Variants in ASTN2 observed in about 807,000 individuals in gnomAD.
The protein encoded by ASTN2 is astrotactin-2.
A neutral mutation model predicts 139.8 loss-of-function variants in ASTN2; 54 were observed. The ratio of observed to expected loss-of-function variants is 0.39; its 90% CI spans 0.31 to 0.48. The LOEUF (loss-of-function observed/expected upper bound fraction) is 0.48. ASTN2 is among the 20% of genes least tolerant of loss of function. The pLI is 0.95. For synonymous variants in ASTN2, 756 were observed against 719.5 expected (o/e 1.05, Z -0.81); for missense variants, 1,565 against 1,725.1 (o/e 0.91, Z 1.64).
chr9:116,744,186 G>A (rs1177694567), intron 13 of ASTN2, among the ~76,000 whole-genome samples: 3 of 152,180 alleles, frequency 2.0e-5, no homozygotes, highest in African/African-American at 7.2e-5. Flanking sequence ...GCATGTGTGT[G>A]TATGGAAGAG....
At chr9:117,143,125 C>A (rs552174021) in intron 3 of ASTN2, among the ~76,000 whole-genome samples, 2 of 152,288 alleles carry the variant, frequency 1.3e-5, no homozygotes, top group South Asian at 2.1e-4. Flanking sequence ...TGAGAAGTCC[C>A]ATCTTGAGGG....
chr9:116,952,595 G>A (rs72755633), intron 10 of ASTN2, among the ~76,000 whole-genome samples: 2 of 152,304 alleles, frequency 1.3e-5, no homozygotes, highest in African/African-American at 2.4e-5. Flanking sequence ...AATGACATGG[G>A]CAGCGTGACA....
intron 3 of ASTN2, 120 bp from the exon 4 acceptor site, chr9:117,141,598 C>A: frequency 1.1e-6 from 1 of 897,688 alleles, no homozygotes; most frequent in Non-Finnish European, 1.5e-6. Flanking sequence ...ACCTGGCCAC[C>A]CTAATTCCTT....
At chr9:116,508,725 C>T (rs1035879734) in intron 19 of ASTN2, among the ~76,000 whole-genome samples, 1 of 152,264 alleles carries the variant, frequency 6.6e-6, no homozygotes, top group South Asian at 2.1e-4. Flanking sequence ...TGCAGAATTA[C>T]TATAAAGATC....
chr9:117,152,034 G>T (rs1317198689), intron 3 of ASTN2, among the ~76,000 whole-genome samples: 1 of 152,036 alleles, frequency 6.6e-6, no homozygotes, highest in Non-Finnish European at 1.5e-5. Flanking sequence ...GTGACTTTGG[G>T]TAAGTTCCTT....
At chr9:116,713,293 A>G (rs1009009278) in intron 16 of ASTN2, among the ~76,000 whole-genome samples, 6 of 152,180 alleles carry the variant, frequency 3.9e-5, no homozygotes, top group Non-Finnish European at 8.8e-5. Flanking sequence ...TCTGTGGAGT[A>G]GGAGGGAACA....
intron 7 of ASTN2, among the ~76,000 whole-genome samples, chr9:116,978,785 T>C (rs1447355213): frequency 7.2e-6 from 1 of 138,684 alleles, no homozygotes; most frequent in Non-Finnish European, 1.6e-5. Flanking sequence ...TTATGCAGGC[T>C]TCAGGGAAAA....
At chr9:116,806,471 G>A (rs1160769903) in intron 12 of ASTN2, among the ~76,000 whole-genome samples, 1 of 152,200 alleles carries the variant, frequency 6.6e-6, no homozygotes, top group African/African-American at 2.4e-5. Flanking sequence ...GGGCTGGAGG[G>A]GATGGGGATG....
intron 20 of ASTN2, among the ~76,000 whole-genome samples, chr9:116,474,415 G>T (rs1354816169): frequency 1.3e-5 from 2 of 151,592 alleles, no homozygotes; most frequent in East Asian, 2.0e-4. Flanking sequence ...GGTTGTTGGT[G>T]GATGGGGGTC....
At position 116,698,403 on chromosome 9, in the gene ASTN2, G is replaced by T; in HGVS notation, c.2806+27368C>A. 6.2e-7 allele frequency: 1 copy of T among 1,614,136 alleles called. No individual in the cohort carries two copies. On this transcript the variant is annotated intron_variant, in intron 16 of 22. Coordinates refer to ENST00000313400, the MANE Select transcript of ASTN2 (RefSeq NM_001365068.1). The surrounding 1 kb of genome is among the most constrained non-coding windows in gnomAD (Gnocchi z 4.4). The stretch of plus-strand genomic sequence containing the variant: ...AGTTGAGAAGTCCAATAGTCAAGTG[G>T]TAGAGGAGCAGAGTTACCTGCTTAA...
intron 1 of ASTN2, among the ~76,000 whole-genome samples, chr9:117,370,223 A>C (rs1829953219): frequency 6.6e-6 from 1 of 152,170 alleles, no homozygotes; most frequent in Non-Finnish European, 1.5e-5. Context: ...GCTTTCCATT[A>C]ACAACACTCA....
At chr9:116,979,164 C>T (rs1295962229) in intron 7 of ASTN2, among the ~76,000 whole-genome samples, 3 of 152,210 alleles carry the variant, frequency 2.0e-5, no homozygotes, top group Non-Finnish European at 2.9e-5. Flanking sequence ...GACAAATAGC[C>T]TGGGCTTCAT....
intron 1 of ASTN2, among the ~76,000 whole-genome samples, chr9:117,363,186 G>A (rs1036238926): frequency 6.6e-6 from 1 of 152,096 alleles, no homozygotes. Flanking sequence ...TTCCTGCCAG[G>A]ACCCTGACTG....
intron 19 of ASTN2, among the ~76,000 whole-genome samples, chr9:116,538,053 A>C (rs550087149): frequency 6.6e-6 from 1 of 152,298 alleles, no homozygotes; most frequent in East Asian, 1.9e-4. Context: ...TATGAATCCA[A>C]ATTAAGTGTT....
chr9:116,467,863 T>C (rs1215072709), intron 20 of ASTN2, among the ~76,000 whole-genome samples: 1 of 152,182 alleles, frequency 6.6e-6, no homozygotes, highest in Non-Finnish European at 1.5e-5. Context: ...AGGACTGTAG[T>C]GAACTCTTTT....
Position 117,001,224 on chromosome 9 carries a change from A to G in ASTN2, c.1591+6868T>C, listed in dbSNP as rs182628178. Among the ~76,000 whole-genome samples the G allele has an allele frequency of 1.7e-3, 255 of 152,254 alleles. 2 individuals are homozygous for G. The highest frequency in any genetic ancestry group is 5.8e-3 in the African/African-American group (243 of 41,552). ...TGATAACCAGTGCTTTGACTCCATG[A>G]CTCTGTCCAGCTCTACAGATTTGAC... On this transcript the variant is annotated intron_variant, in intron 7 of 22. Coordinates refer to ENST00000313400, the MANE Select transcript of ASTN2 (RefSeq NM_001365068.1).
chr9:117,121,967 G>T (rs1423263917), intron 4 of ASTN2, among the ~76,000 whole-genome samples: 1 of 152,094 alleles, frequency 6.6e-6, no homozygotes, highest in African/African-American at 2.4e-5. Context: ...ATCCCATCAG[G>T]CCCCTCCTCC....
intron 13 of ASTN2, among the ~76,000 whole-genome samples, chr9:116,756,341 C>T (rs1407097840): frequency 2.0e-5 from 3 of 152,078 alleles, no homozygotes; most frequent in African/African-American, 7.3e-5. Flanking sequence ...ATCTAAACCT[C>T]AATTTCCTAA....
chr9:117,377,759 G>A (rs1830163424), intron 1 of ASTN2, among the ~76,000 whole-genome samples: 1 of 151,636 alleles, frequency 6.6e-6, no homozygotes, highest in Non-Finnish European at 1.5e-5. Flanking sequence ...ACAGAATAAT[G>A]TCATTACAAA....
Sources: gnomAD v4.1 joint callset for allele counts (sites outside exome capture counted in the v4.1 genomes callset) on GRCh38, gnomAD v4.1.1 for gene constraint, Gnocchi (gnomAD v3.1) non-coding constraint, MANE v1.5 for transcripts, NCBI Gene and HGNC (gene_info 2026-07-23, HGNC 2026-07-21) for gene names.